The following LITAF variants were observed in gnomAD, a reference collection of about 807,000 sequenced individuals.
The protein encoded by LITAF is lipopolysaccharide induced TNF factor.
A neutral mutation model predicts 14.5 loss-of-function variants in LITAF; 9 were observed. The observed-to-expected ratio is 0.62, with a 90% CI of 0.37 to 1.08. The LOEUF (loss-of-function observed/expected upper bound fraction) is 1.08, where lower values mean the gene tolerates loss of function less well. Among genes scored for constraint, LITAF ranks in the 50% least tolerant of loss-of-function variants. The pLI is 0.01. For synonymous variants in LITAF, 98 were observed against 88.2 expected (o/e 1.11, Z -0.62); for missense variants, 206 against 213.4 (o/e 0.97, Z 0.22).
intron 3 of LITAF, among the ~76,000 whole-genome samples, chr16:11,613,972 C>G (rs1350834573): frequency 6.6e-6 from 1 of 152,200 alleles, no homozygotes. Context: ...TGCTTCCTGG[C>G]AGGTCCTGAG....
intron 1 of LITAF, among the ~76,000 whole-genome samples, chr16:11,592,876 A>G (rs2064856148): frequency 6.6e-6 from 1 of 152,132 alleles, no homozygotes; most frequent in East Asian, 1.9e-4. Flanking sequence ...TCTCTGCTAA[A>G]AATACAAAAA....
intron 3 of LITAF, among the ~76,000 whole-genome samples, chr16:11,620,708 A>G (rs2065045052): frequency 6.6e-6 from 1 of 152,256 alleles, no homozygotes; most frequent in African/African-American, 2.4e-5. Flanking sequence ...CAGCACAAGT[A>G]TGATGATATT....
intron 2 of LITAF, chr16:11,556,232 C>T (rs1455776814): frequency 5.6e-6 from 3 of 536,806 alleles, no homozygotes; most frequent in Non-Finnish European, 9.9e-6. Context: ...AACTCCCATT[C>T]TCAGAAGAAA....
intron 3 of LITAF, among the ~76,000 whole-genome samples, chr16:11,608,444 G>A (rs2064965736): frequency 1.3e-5 from 2 of 152,212 alleles, no homozygotes; most frequent in Non-Finnish European, 2.9e-5. Context: ...TTGCTTAAGA[G>A]TTGGGAACTC....
chr16:11,554,936 G>A (rs1047575354), intron 2 of LITAF, among the ~76,000 whole-genome samples: 2 of 152,074 alleles, frequency 1.3e-5, no homozygotes, highest in Non-Finnish European at 2.9e-5. Flanking sequence ...GAATTAGGGG[G>A]AAATTACTGC....
intron 1 of LITAF, among the ~76,000 whole-genome samples, chr16:11,583,371 CTG>C (rs1459773134): frequency 6.6e-6 from 1 of 152,188 alleles, no homozygotes; most frequent in African/African-American, 2.4e-5. Context: ...CAGTTTTCCT[CTG>C]GACTCCTGGT....
At chr16:11,557,024 T>C (rs2064281157) in intron 1 of LITAF, among the ~76,000 whole-genome samples, 1 of 152,094 alleles carries the variant, frequency 6.6e-6, no homozygotes, top group Non-Finnish European at 1.5e-5. Context: ...TACCAGACAA[T>C]GACCTACGTA....
In LITAF at chr16:11,549,618, C is replaced by G. The variant is rs754104844; in HGVS notation, c.*19G>C. ...AGGACTTCCTGCGGCACCCGGCTCC[C>G]TCCACGTCTGGCTGAGTCCTACAAA... On this transcript the variant is annotated 3_prime_UTR_variant, in exon 4 of 4. Coordinates refer to ENST00000622633, the MANE Select transcript of LITAF (RefSeq NM_001136472.2). This position sits in a 1 kb window ranked among gnomAD's most constrained non-coding sequence, Gnocchi z 4.6. 1 of 1,591,604 alleles carries G rather than the reference C, an allele frequency of 6.3e-7. No individual in the cohort carries two copies. Among genetic ancestry groups the G allele is most frequent in the Non-Finnish European group, 8.6e-7 (1 of 1,161,616 alleles).
chr16:11,638,733 A>C (rs1336652560), upstream of LITAF, among the ~76,000 whole-genome samples: 3 of 132,732 alleles, frequency 2.3e-5, no homozygotes, highest in African/African-American at 9.3e-5. Flanking sequence ...AAAAAAAAAA[A>C]AAAAAAAACC....
At chr16:11,598,889 G>T (rs371414685), upstream of LITAF, among the ~76,000 whole-genome samples, 1 of 151,774 alleles carries the variant, frequency 6.6e-6, no homozygotes, top group Non-Finnish European at 1.5e-5. Context: ...GCGCAATCTC[G>T]GCTCACTGCA....
intron 3 of LITAF, among the ~76,000 whole-genome samples, chr16:11,606,801 AT>A (rs1197827360): frequency 6.6e-6 from 1 of 151,608 alleles, no homozygotes; most frequent in African/African-American, 2.4e-5. Context: ...TGCCCAGCTA[AT>A]TTTTTTGTGT....
chr16:11,616,730 G>A (rs2065021735), intron 3 of LITAF, among the ~76,000 whole-genome samples: 1 of 151,852 alleles, frequency 6.6e-6, no homozygotes, highest in African/African-American at 2.4e-5. Flanking sequence ...GGGCAACATA[G>A]GAAGACCCCA....
At position 11,549,499 on chromosome 16, in the gene LITAF, C is replaced by G. The variant is rs898867952; in HGVS notation, c.*138G>C. 1.3e-5 allele frequency: 9 copies of G among 712,188 alleles called. No homozygotes were observed. The highest frequency in any genetic ancestry group is 2.3e-5 in the Non-Finnish European group (9 of 393,592). 44.1% of individuals were successfully genotyped at this position (712,188 alleles called of 1,614,324 possible). On this transcript the variant is annotated 3_prime_UTR_variant, in exon 4 of 4. Coordinates refer to ENST00000622633, the MANE Select transcript of LITAF (RefSeq NM_001136472.2). The surrounding 1 kb of genome is among the most constrained non-coding windows in gnomAD (Gnocchi z 4.6). ...AGATTTGTTAGTTTTGCGACGTATT[C>G]CCCCCAAAAGAAGACATGAAGGTGG...
At chr16:11,630,226 A>G (rs373571381) in intron 3 of LITAF, among the ~76,000 whole-genome samples, 2 of 152,016 alleles carry the variant, frequency 1.3e-5, no homozygotes, top group African/African-American at 2.4e-5. Flanking sequence ...CTCAGCCCCT[A>G]TGGATGGAAA....
intron 1 of LITAF, among the ~76,000 whole-genome samples, chr16:11,572,945 T>C (rs2064568429): frequency 6.6e-6 from 1 of 151,632 alleles, no homozygotes; most frequent in Admixed American, 6.6e-5. Flanking sequence ...TTTTTTTTTT[T>C]TGAGACAGGG....
chr16:11,584,475 C>T (rs566694489), intron 1 of LITAF: 11 of 152,184 alleles, frequency 7.2e-5, no homozygotes, highest in African/African-American at 1.2e-4. Flanking sequence ...GGGCTGGAAA[C>T]GCCTTCCAGC....
In LITAF at chr16:11,625,678, T is replaced by G. The variant is rs971332372; in HGVS notation, c.85+7855A>C. 6.6e-5 allele frequency among the ~76,000 whole-genome samples: 10 copies of G among 152,298 alleles called. No individual in the cohort carries two copies. The East Asian group carries it at 7.7e-4, about 12-fold the overall frequency. On this transcript the variant is annotated intron_variant, in intron 3 of 3. Transcript: ENST00000574848. The stretch of plus-strand genomic sequence containing the variant: ...TCCCCTAGGTTGTGTGCTGAAGGAA[T>G]GCAGTGACAGAAATCAGAGCAGAAA...
chr16:11,564,770 T>G (rs1406131771), intron 1 of LITAF, among the ~76,000 whole-genome samples: 2 of 152,238 alleles, frequency 1.3e-5, no homozygotes, highest in African/African-American at 4.8e-5. Context: ...ACGACAGCCC[T>G]GGAATGAACC....
rs143227890 is a variant in LITAF, at chr16:11,625,116, T to C, written c.85+8417A>G. Among the ~76,000 whole-genome samples the C allele has an allele frequency of 2.2e-3, 336 of 152,194 alleles. 1 individual carries two copies. Among genetic ancestry groups the C allele is most frequent in the African/African-American group, 7.7e-3 (320 of 41,526 alleles). ...GAGAACTCAATTTCCCAGAATTTCC[T>C]CCCCATGTGGTTCTGGTTAGAGATG... On this transcript the variant is annotated intron_variant, in intron 3 of 3. Coordinates refer to the LITAF transcript ENST00000574848.
Sources: gnomAD v4.1 joint callset for allele counts (sites outside exome capture counted in the v4.1 genomes callset) on GRCh38, gnomAD v4.1.1 for gene constraint, Gnocchi (gnomAD v3.1) non-coding constraint, MANE v1.5 for transcripts, NCBI Gene and HGNC (gene_info 2026-07-23, HGNC 2026-07-21) for gene names.